The following CRAMP1 variants were observed in gnomAD, a reference collection of about 807,000 sequenced individuals.
CRAMP1 encodes the protein protein cramped-like.
In CRAMP1, 50 loss-of-function variants were observed where a neutral mutation model predicts 115.4. That is an observed-to-expected ratio of 0.43 (90% CI 0.35 to 0.55). The LOEUF is 0.55. Among genes scored for constraint, CRAMP1 ranks in the 20% least tolerant of loss-of-function variants. The pLI, the probability that CRAMP1 is intolerant of heterozygous loss-of-function variation, is 0.01. For missense variants in CRAMP1, 1,679 were observed against 1,721.7 expected, an observed-to-expected ratio of 0.98 and a Z score of 0.44; for synonymous variants, 866 against 745.4, an observed-to-expected ratio of 1.16 and a Z score of -2.64.
At chr16:1,663,901 C>A (rs75599742) in intron 13 of CRAMP1, among the ~76,000 whole-genome samples, 3,351 of 152,336 alleles carry the variant, frequency 0.022, 231 homozygotes, top group Admixed American at 0.13. Context: ...TCTGTACTAT[C>A]TACTGTTTTC....
chr16:1,667,262 C>T, intron 16 of CRAMP1, 73 bp from the exon 17 acceptor site: 10 of 1,254,760 alleles, frequency 8.0e-6, no homozygotes, highest in South Asian at 1.2e-5. Context: ...TTTTCTGGAA[C>T]TCTGTCGCGG....
chr16:1,615,974 A>T (rs1353583074), intron 2 of CRAMP1, among the ~76,000 whole-genome samples: 2 of 152,192 alleles, frequency 1.3e-5, no homozygotes, highest in East Asian at 3.8e-4. Flanking sequence ...CCTGCTTTGG[A>T]GATCTGTGCC....
chr16:1,618,503 G>T (rs759921166), intron 2 of CRAMP1, among the ~76,000 whole-genome samples: 1 of 152,138 alleles, frequency 6.6e-6, no homozygotes, highest in Non-Finnish European at 1.5e-5. Context: ...GAGAACACTG[G>T]GGGTGGGGAC....
intron 6 of CRAMP1, among the ~76,000 whole-genome samples, chr16:1,643,558 A>C (rs1335186629): frequency 6.6e-6 from 1 of 151,916 alleles, no homozygotes; most frequent in Non-Finnish European, 1.5e-5. Context: ...GAAAAAAAAA[A>C]AAAACCCTCA....
Position 1,637,803 on chromosome 16 carries a change from G to A in CRAMP1, c.695-21G>A, listed in dbSNP as rs1362033243. The A allele has an allele frequency of 2.0e-5, 28 of 1,400,316 alleles. No individual in the cohort carries two copies. The Admixed American group carries it at 4.5e-4, about 22-fold the overall frequency. The allele number at this position is 1,400,316 out of a possible 1,614,324, so 86.7% of individuals were successfully genotyped here. ...GCCTCCTGTTCCCCTCTCTAAAGCC[G>A]CCTTCTCTTCTGTTTCTCAGTGTTC... On this transcript the variant is annotated intron_variant, in intron 4 of 20. Transcript: ENST00000397412.
chr16:1,673,305 A>G (rs113843543), intron 20 of CRAMP1, among the ~76,000 whole-genome samples: 185 of 114,870 alleles, frequency 1.6e-3, no homozygotes, highest in African/African-American at 6.1e-3. Context: ...CCTCATGTCT[A>G]TGACAGGAAC....
rs761476573 is a variant in CRAMP1, at chr16:1,626,018, C to T, written c.392C>T (p.Ala131Val). Residue 131 changes from alanine (A) to valine (V), a missense_variant, in exon 3 of 21, where the codon GCC becomes GTC. By Grantham distance (64) the Ala-to-Val change is moderately conservative (BLOSUM62 0). Coordinates refer to ENST00000397412, the MANE Select transcript of CRAMP1 (RefSeq NM_020825.4). Reference sequence around the variant, plus strand: ...TCGTCTGGAAATGTGTCTGGGGTTGCCCCTGCTGCCCCTGCAGGGGGCTCG... The same window carrying T: ...TCGTCTGGAAATGTGTCTGGGGTTGTCCCTGCTGCCCCTGCAGGGGGCTCG... ...GSSSGNVSGV[A>V]PAAPAGGSRS... The T allele has an allele frequency of 6.4e-7, 1 of 1,551,662 alleles. No individual in the cohort carries two copies. The highest frequency in any genetic ancestry group is 1.2e-5 in the South Asian group (1 of 84,064).
intron 2 of CRAMP1, 141 bp downstream of exon 2, chr16:1,615,126 C>T (rs1019874178): frequency 7.1e-6 from 3 of 419,780 alleles, no homozygotes; most frequent in African/African-American, 4.1e-5. Flanking sequence ...TTGGGTGGCA[C>T]TTATGGGGCA....
intron 2 of CRAMP1, among the ~76,000 whole-genome samples, chr16:1,623,704 G>A (rs1408677632): frequency 6.6e-6 from 1 of 152,194 alleles, no homozygotes; most frequent in Non-Finnish European, 1.5e-5. Flanking sequence ...GACTCCACGT[G>A]AGGAATCCAG....
intron 13 of CRAMP1, among the ~76,000 whole-genome samples, chr16:1,663,210 T>G (rs1419743185): frequency 6.6e-6 from 1 of 151,932 alleles, no homozygotes; most frequent in Non-Finnish European, 1.5e-5. Context: ...TCCCCAGGAG[T>G]CCCCGAGGAT....
At chr16:1,626,945 T>C (rs2036513141) in intron 3 of CRAMP1, among the ~76,000 whole-genome samples, 1 of 152,226 alleles carries the variant, frequency 6.6e-6, no homozygotes, top group Non-Finnish European at 1.5e-5. Context: ...GTTGAAGAGC[T>C]GCACCAGACA....
chr16:1,662,427 C>T (rs187540478), intron 11 of CRAMP1, 63 bp from the exon 12 acceptor site: 18 of 1,353,922 alleles, frequency 1.3e-5, no homozygotes, highest in South Asian at 4.9e-5. Context: ...AACGGAATTC[C>T]GTGACCCTGG....
At chr16:1,663,916 C>T (rs1235320406) in intron 13 of CRAMP1, among the ~76,000 whole-genome samples, 1 of 152,206 alleles carries the variant, frequency 6.6e-6, no homozygotes, top group Admixed American at 6.5e-5. Context: ...GTTTTCCACA[C>T]GGGCAGGTAT....
Position 1,669,115 on chromosome 16 carries a change from C to A in CRAMP1, c.3449C>A (p.Pro1150His), listed in dbSNP as rs752545788. The A allele has an allele frequency of 6.2e-7, 1 of 1,610,434 alleles. No individual in the cohort carries two copies. The highest frequency in any genetic ancestry group is 8.5e-7 in the Non-Finnish European group (1 of 1,178,418). The change falls in exon 19 of 21, where the codon CCC becomes CAC. Residue 1150 changes from proline to histidine, a missense_variant. Coordinates refer to ENST00000397412, the MANE Select transcript of CRAMP1 (RefSeq NM_020825.4). The surrounding 1 kb of genome is among the most constrained non-coding windows in gnomAD (Gnocchi z 4.6). Reference protein sequence around the residue: ...PHWIASPTHDPQWYPSDSTDS... With the variant: ...PHWIASPTHDHQWYPSDSTDS... ...TGGATCGCCTCTCCCACCCACGACC[C>A]CCAGTGGTACCCCAGTGACTCCACC...
chr16:1,644,198 ACT>A (rs1200108396), intron 6 of CRAMP1, among the ~76,000 whole-genome samples: 29 of 151,998 alleles, frequency 1.9e-4, no homozygotes, highest in African/African-American at 5.5e-4. Context: ...TTCTCACCTG[ACT>A]CTCTGGGCCC....
intron 6 of CRAMP1, among the ~76,000 whole-genome samples, chr16:1,642,456 AACACTGG>A (rs1458360986): frequency 1.3e-5 from 2 of 152,214 alleles, no homozygotes; most frequent in Admixed American, 6.5e-5. Flanking sequence ...AGCTTGCCCC[AACACTGG>A]ACAGACTTCC....
intron 8 of CRAMP1, 106 bp downstream of exon 8, chr16:1,653,262 C>G (rs1477309464): frequency 1.5e-6 from 2 of 1,324,832 alleles, no homozygotes. Context: ...CAGGTCCACC[C>G]CTATGCTCTG....
chr16:1,673,932 A>C lies in CRAMP1; in HGVS notation c.3697A>C (p.Ile1233Leu). 6.2e-7 allele frequency: 1 copy of C among 1,613,416 alleles called. No individual in the cohort carries two copies. Among genetic ancestry groups the C allele is most frequent in the Non-Finnish European group, 8.5e-7 (1 of 1,179,796 alleles). ...GATGAACGAAAACAGCATTGATTAC[A>C]TTTCTCGGTTCAATGACCTGGCCCA... ...CMMNENSIDYISRFNDLAQEL... is the reference protein window; with the variant it reads ...CMMNENSIDYLSRFNDLAQEL... Residue 1233 changes from isoleucine (I) to leucine (L), a missense_variant, in exon 21 of 21, where the codon ATT (isoleucine) becomes CTT (leucine). Coordinates refer to ENST00000397412, the MANE Select transcript of CRAMP1 (RefSeq NM_020825.4).
rs1207466761 is a variant in CRAMP1 at position 1,614,762 on chromosome 16, G to A, written c.123G>A (p.Glu41=). 7.3e-7 allele frequency: 1 copy of A among 1,366,312 alleles called. No homozygotes were observed. Among genetic ancestry groups the A allele is most frequent in the Non-Finnish European group, 9.5e-7 (1 of 1,048,052 alleles). The allele number at this position is 1,366,312 out of a possible 1,614,324, so 84.6% of individuals were successfully genotyped here. The change falls in exon 2 of 21, where the codon GAG becomes GAA. Residue 41 remains glutamate (E), a synonymous_variant. Transcript: ENST00000397412. This position sits in a 1 kb window ranked among gnomAD's most constrained non-coding sequence, Gnocchi z 4.4. ...EGAGGADAAE[E]SSGTKRDEKT... ...CCGGCGGCGCAGACGCGGCCGAGGAGAGCAGCGGCACAAAGAGGGACGAGA... is the reference window on the plus strand; with the variant it reads ...CCGGCGGCGCAGACGCGGCCGAGGAAAGCAGCGGCACAAAGAGGGACGAGA...
Sources: gnomAD v4.1 joint callset for allele counts (sites outside exome capture counted in the v4.1 genomes callset) on GRCh38, gnomAD v4.1.1 for gene constraint, Gnocchi (gnomAD v3.1) non-coding constraint, MANE v1.5 for transcripts, NCBI Gene and HGNC (gene_info 2026-07-23, HGNC 2026-07-21) for gene names.